AFG1L: variants seen among roughly 807,000 people sequenced by gnomAD.
AFG1L encodes AFG1-like ATPase.
Under a neutral mutation model 62.2 loss-of-function variants are expected in AFG1L, and 53 were observed. The ratio of observed to expected loss-of-function variants is 0.85; its 90% CI spans 0.68 to 1.07. AFG1L has a LOEUF of 1.07. AFG1L is among the 50% of genes least tolerant of loss of function. AFG1L has a pLI of 0.00. For missense variants in AFG1L, 555 were observed against 590.5 expected, an observed-to-expected ratio of 0.94 and a Z score of 0.62; for synonymous variants, 228 against 210.3, an observed-to-expected ratio of 1.08 and a Z score of -0.73.
At chr6:108,521,066 C>T (rs1582699866) in intron 12 of AFG1L, 1 of 152,358 alleles carries the variant, frequency 6.6e-6, no homozygotes, top group South Asian at 2.1e-4. Context: ...ACATTCAGCT[C>T]TAACCTAGAA....
intron 10 of AFG1L, among the ~76,000 whole-genome samples, chr6:108,505,997 A>T (rs1284611295): frequency 4.6e-5 from 7 of 152,192 alleles, no homozygotes; most frequent in African/African-American, 1.7e-4. Context: ...ATGGGGAAAA[A>T]TTGCGAAAAT....
intron 8 of AFG1L, among the ~76,000 whole-genome samples, chr6:108,465,003 T>G (rs1197288341): frequency 6.6e-6 from 1 of 152,204 alleles, no homozygotes; most frequent in Non-Finnish European, 1.5e-5. Flanking sequence ...TTCTTTATCC[T>G]TACTCAGTGT....
intron 7 of AFG1L, among the ~76,000 whole-genome samples, chr6:108,431,437 T>A (rs1020955578): frequency 1.5e-4 from 23 of 151,998 alleles, no homozygotes; most frequent in Non-Finnish European, 1.0e-4. Flanking sequence ...ATTCTAAAGA[T>A]TACAAATACT....
At chr6:108,333,640 A>G (rs966709299) in intron 2 of AFG1L, among the ~76,000 whole-genome samples, 1 of 152,152 alleles carries the variant, frequency 6.6e-6, no homozygotes, top group Non-Finnish European at 1.5e-5. Context: ...AGAAAAACAG[A>G]CAACCCAGTA....
chr6:108,372,219 T>A (rs1780040002), intron 6 of AFG1L, among the ~76,000 whole-genome samples: 1 of 151,950 alleles, frequency 6.6e-6, no homozygotes, highest in Non-Finnish European at 1.5e-5. Flanking sequence ...TTTTCTTTAT[T>A]TTTTAAATTT....
intron 10 of AFG1L, among the ~76,000 whole-genome samples, chr6:108,505,183 G>A (rs1019198413): frequency 2.7e-5 from 4 of 149,110 alleles, no homozygotes; most frequent in Non-Finnish European, 4.4e-5. Flanking sequence ...CAACCTCCGC[G>A]CCCAGGTTCA....
chr6:108,443,481 A>G (rs56121755), intron 7 of AFG1L, among the ~76,000 whole-genome samples: 3,998 of 152,342 alleles, frequency 0.026, 170 homozygotes, highest in African/African-American at 0.092. Flanking sequence ...TGGAATATCA[A>G]CATCACATTG....
intron 1 of AFG1L, among the ~76,000 whole-genome samples, chr6:108,296,619 T>A (rs1218631506): frequency 6.6e-6 from 1 of 152,192 alleles, no homozygotes; most frequent in Non-Finnish European, 1.5e-5. Context: ...CAGCAGTTAA[T>A]TCTGTTAATT....
intron 8 of AFG1L, among the ~76,000 whole-genome samples, chr6:108,475,659 A>G (rs1773077283): frequency 6.6e-6 from 1 of 152,228 alleles, no homozygotes; most frequent in African/African-American, 2.4e-5. Context: ...AAAGTTGACC[A>G]TTGCAAATGA....
At chr6:108,321,542 C>G (rs1777812847) in intron 1 of AFG1L, among the ~76,000 whole-genome samples, 1 of 152,182 alleles carries the variant, frequency 6.6e-6, no homozygotes, top group Non-Finnish European at 1.5e-5. Flanking sequence ...AGGTGTGATG[C>G]AATGAATAAC....
At chr6:108,300,316 A>AT (rs1472775232) in intron 1 of AFG1L, among the ~76,000 whole-genome samples, 5 of 151,748 alleles carry the variant, frequency 3.3e-5, no homozygotes, top group East Asian at 3.9e-4. Context: ...TGCCCAGCTA[A>AT]TTTTTTTGTA....
intron 7 of AFG1L, among the ~76,000 whole-genome samples, chr6:108,405,670 C>A (rs1341572726): frequency 6.6e-6 from 1 of 152,156 alleles, no homozygotes; most frequent in Non-Finnish European, 1.5e-5. Flanking sequence ...TTTAAGGGTA[C>A]AGTTCAGTGG....
At chr6:108,372,850 G>A (rs996097060) in intron 6 of AFG1L, 1 of 153,328 alleles carries the variant, frequency 6.5e-6, no homozygotes, top group African/African-American at 2.4e-5. Context: ...TCTATATGGA[G>A]GAGAACACAT....
chr6:108,309,191 G>C (rs1242841227), intron 1 of AFG1L, among the ~76,000 whole-genome samples: 2 of 152,132 alleles, frequency 1.3e-5, no homozygotes, highest in Non-Finnish European at 2.9e-5. Flanking sequence ...TATGACATTA[G>C]GTTAGGATCA....
At chr6:108,333,101 A>G (rs1246918641) in intron 2 of AFG1L, among the ~76,000 whole-genome samples, 1 of 152,166 alleles carries the variant, frequency 6.6e-6, no homozygotes, top group African/African-American at 2.4e-5. Context: ...GGGAGAAAAG[A>G]TTTTTCATCA....
intron 12 of AFG1L, 48 bp from the exon 13 acceptor site, chr6:108,522,249 A>G (rs748284046): frequency 2.5e-6 from 4 of 1,589,938 alleles, no homozygotes; most frequent in South Asian, 1.1e-5. Flanking sequence ...GGTTCTGTAA[A>G]TTTTCATTTG....
intron 10 of AFG1L, among the ~76,000 whole-genome samples, chr6:108,499,644 C>T (rs1197920444): frequency 6.7e-6 from 1 of 150,048 alleles, no homozygotes; most frequent in Non-Finnish European, 1.5e-5. Context: ...TCTAGCTACT[C>T]AGGAGCTAAG....
chr6:108,364,886 A>T (rs1428711595), intron 5 of AFG1L, among the ~76,000 whole-genome samples: 1 of 149,716 alleles, frequency 6.7e-6, no homozygotes, highest in African/African-American at 2.4e-5. Context: ...AAAAAAAAAA[A>T]GTACATCTCT....
intron 7 of AFG1L, among the ~76,000 whole-genome samples, chr6:108,406,373 C>G (rs1452066408): frequency 6.7e-6 from 1 of 149,024 alleles, no homozygotes; most frequent in Non-Finnish European, 1.5e-5. Context: ...CTCATTATGG[C>G]TTTGATTTGC....
Sources: allele counts gnomAD v4.1 joint callset (sites outside exome capture counted in the v4.1 genomes callset), GRCh38; gene constraint gnomAD v4.1.1; transcripts MANE v1.5; gene names NCBI Gene and HGNC (gene_info 2026-07-23, HGNC 2026-07-21).